Variants in SEMA6D observed in about 807,000 individuals in gnomAD.
SEMA6D encodes the protein semaphorin 6D.
Under a neutral mutation model 106.6 loss-of-function variants are expected in SEMA6D, and 35 were observed. The observed-to-expected ratio is 0.33, with a 90% CI of 0.25 to 0.44. The LOEUF (loss-of-function observed/expected upper bound fraction) is 0.44. SEMA6D is among the 20% of genes least tolerant of loss of function. The pLI, the probability that SEMA6D is intolerant of heterozygous loss-of-function variation, is 1.00. For synonymous variants in SEMA6D, 499 were observed against 487.7 expected, an observed-to-expected ratio of 1.02 and a Z score of -0.31; for missense variants, 1,185 against 1,345.9, an observed-to-expected ratio of 0.88 and a Z score of 1.87.
intron 1 of SEMA6D, among the ~76,000 whole-genome samples, chr15:47,340,617 A>T (rs1418895323): frequency 6.6e-6 from 1 of 152,248 alleles, no homozygotes; most frequent in Non-Finnish European, 1.5e-5. Context: ...CTGATCTAGA[A>T]GCCATCAGCT....
At chr15:47,685,770 C>A (rs2078454595) in intron 4 of SEMA6D, among the ~76,000 whole-genome samples, 1 of 152,128 alleles carries the variant, frequency 6.6e-6, no homozygotes, top group South Asian at 2.1e-4. Context: ...GTATCTAGAG[C>A]TAACCATATG....
chr15:47,561,152 C>G (rs2046068863), intron 3 of SEMA6D, among the ~76,000 whole-genome samples: 1 of 151,822 alleles, frequency 6.6e-6, no homozygotes, highest in South Asian at 2.1e-4. Context: ...ATCAATGAAT[C>G]TCACACAGAA....
chr15:47,263,400 C>A (rs2034168234), intron 1 of SEMA6D, among the ~76,000 whole-genome samples: 1 of 152,072 alleles, frequency 6.6e-6, no homozygotes, highest in Non-Finnish European at 1.5e-5. Flanking sequence ...CATGAAAAGA[C>A]ACTTTTTGAA....
At chr15:47,600,294 A>G (rs2076622255) in intron 3 of SEMA6D, among the ~76,000 whole-genome samples, 2 of 152,168 alleles carry the variant, frequency 1.3e-5, no homozygotes, top group South Asian at 2.1e-4. Flanking sequence ...TTTATTTTGT[A>G]GGATCTGAAA....
intron 16 of SEMA6D, among the ~76,000 whole-genome samples, 154 bp from the exon 17 acceptor site, chr15:47,766,883 G>A (rs946482015): frequency 6.6e-6 from 1 of 151,338 alleles, no homozygotes; most frequent in African/African-American, 2.4e-5. Flanking sequence ...TTACAATTTT[G>A]TAGGAAATCT....
intron 4 of SEMA6D, among the ~76,000 whole-genome samples, chr15:47,603,630 G>T (rs752637362): frequency 3.3e-5 from 5 of 152,014 alleles, no homozygotes; most frequent in Non-Finnish European, 7.4e-5. Context: ...CTAAAATGAA[G>T]TTACAAATGT....
chr15:47,395,136 C>T (rs2040170110), intron 1 of SEMA6D, among the ~76,000 whole-genome samples: 1 of 152,004 alleles, frequency 6.6e-6, no homozygotes, highest in Admixed American at 6.6e-5. Context: ...TTTTGAAATG[C>T]AGAAAACTAA....
intron 3 of SEMA6D, among the ~76,000 whole-genome samples, chr15:47,486,069 A>T (rs1218900957): frequency 6.6e-6 from 1 of 152,202 alleles, no homozygotes; most frequent in Admixed American, 6.5e-5. Flanking sequence ...AAGTCTGCTA[A>T]CGTCCATAGT....
At chr15:47,648,799 CTT>C (rs2077629494) in intron 4 of SEMA6D, among the ~76,000 whole-genome samples, 1 of 152,102 alleles carries the variant, frequency 6.6e-6, no homozygotes, top group Admixed American at 6.5e-5. Context: ...GGTTTTGAGT[CTT>C]TAATTAGAAG....
At chr15:47,761,297 G>A (rs1156680609) in intron 5 of SEMA6D, 33 bp from the exon 6 acceptor site, 20 of 1,609,718 alleles carry the variant, frequency 1.2e-5, no homozygotes, top group Non-Finnish European at 1.5e-5. Flanking sequence ...ATGTTCAAAT[G>A]TCTAATATTA....
intron 3 of SEMA6D, among the ~76,000 whole-genome samples, chr15:47,480,489 A>G (rs2043125533): frequency 6.6e-6 from 1 of 152,072 alleles, no homozygotes; most frequent in Non-Finnish European, 1.5e-5. Context: ...TTCAATTTCA[A>G]TAATACTCTT....
At chr15:47,487,005 G>A (rs374847222) in intron 3 of SEMA6D, among the ~76,000 whole-genome samples, 37 of 152,216 alleles carry the variant, frequency 2.4e-4, no homozygotes, top group African/African-American at 8.7e-4. Context: ...TTATACTGTC[G>A]TCTTTGCCCT....
intron 3 of SEMA6D, among the ~76,000 whole-genome samples, chr15:47,473,668 A>G (rs992377981): frequency 7.9e-5 from 12 of 152,116 alleles, no homozygotes; most frequent in African/African-American, 2.9e-4. Flanking sequence ...AAATAAAACT[A>G]ATGAAATATG....
At chr15:47,645,397 T>C (rs562664886) in intron 4 of SEMA6D, among the ~76,000 whole-genome samples, 2 of 152,302 alleles carry the variant, frequency 1.3e-5, no homozygotes, top group African/African-American at 4.8e-5. Flanking sequence ...CCTAGCCTTC[T>C]CTTTATATAG....
Position 47,290,629 on chromosome 15 carries a change from T to TAC in SEMA6D, c.-239+106225_-239+106226dup, listed in dbSNP as rs5812371. The stretch of plus-strand genomic sequence containing the variant: ...ACATCAATTTAATTATATATATATA[T>TAC]ACACACACACACACATATATTCAAA... On this transcript the variant is annotated intron_variant, in intron 1 of 19. Transcript: ENST00000558014. 8.6e-5 allele frequency among the ~76,000 whole-genome samples: 13 copies of TAC among 150,884 alleles called. No individual in the cohort carries two copies. The East Asian group carries it at 1.2e-3, about 14-fold the overall frequency.
chr15:47,598,733 A>G (rs895333437), intron 3 of SEMA6D, among the ~76,000 whole-genome samples: 2 of 152,166 alleles, frequency 1.3e-5, no homozygotes, highest in African/African-American at 4.8e-5. Context: ...TATGTCACCT[A>G]AGCTTTCGCC....
At chr15:47,584,794 A>G (rs1051546930) in intron 3 of SEMA6D, among the ~76,000 whole-genome samples, 9 of 152,128 alleles carry the variant, frequency 5.9e-5, no homozygotes, top group African/African-American at 2.2e-4. Flanking sequence ...AGGTGAAGAG[A>G]ATTTTTTCAT....
chr15:47,354,037 T>C (rs886692200), intron 1 of SEMA6D, among the ~76,000 whole-genome samples: 2 of 151,790 alleles, frequency 1.3e-5, no homozygotes, highest in Non-Finnish European at 2.9e-5. Flanking sequence ...TCCCCACTTA[T>C]AAGCTCTCTC....
At chr15:47,519,456 C>A (rs1442508712) in intron 3 of SEMA6D, among the ~76,000 whole-genome samples, 1 of 152,092 alleles carries the variant, frequency 6.6e-6, no homozygotes, top group African/African-American at 2.4e-5. Flanking sequence ...ATACAGATGA[C>A]AATCAGAAGC....
Sources: gnomAD v4.1 joint callset for allele counts (sites outside exome capture counted in the v4.1 genomes callset) on GRCh38, gnomAD v4.1.1 for gene constraint, MANE v1.5 for transcripts, NCBI Gene and HGNC (gene_info 2026-07-23, HGNC 2026-07-21) for gene names.